ANKRD31: variants seen among roughly 807,000 people sequenced by gnomAD.
ANKRD31 encodes the protein ankyrin repeat domain 31.
A neutral mutation model predicts 186.0 loss-of-function variants in ANKRD31; 147 were observed. That is an observed-to-expected ratio of 0.79 (90% CI 0.69 to 0.91). The LOEUF (loss-of-function observed/expected upper bound fraction) is 0.91, where lower values mean the gene tolerates loss of function less well. Among genes scored for constraint, ANKRD31 ranks in the 40% least tolerant of loss-of-function variants. The pLI is 0.00. For synonymous variants in ANKRD31, 673 were observed against 736.4 expected (o/e 0.91, Z 1.39); for missense variants, 1,986 against 2,148.8 (o/e 0.92, Z 1.50).
At chr5:75,091,137 T>A in intron 23 of ANKRD31, 124 bp downstream of exon 23, 1 of 1,085,916 alleles carries the variant, frequency 9.2e-7, no homozygotes, top group Non-Finnish European at 1.3e-6. Context: ...ATATACAGAA[T>A]GAACACATGA....
chr5:75,173,142 G>C (rs2150197633), intron 10 of ANKRD31, among the ~76,000 whole-genome samples: 1 of 152,168 alleles, frequency 6.6e-6, no homozygotes, highest in East Asian at 1.9e-4. Flanking sequence ...CAAACCCCAT[G>C]ATTATTTCAA....
intron 17 of ANKRD31, among the ~76,000 whole-genome samples, chr5:75,133,044 G>C (rs1329118597): frequency 1.3e-5 from 2 of 152,166 alleles, no homozygotes; most frequent in African/African-American, 4.8e-5. Context: ...ACCGGTACCA[G>C]CCACTGCAAA....
intron 11 of ANKRD31, among the ~76,000 whole-genome samples, chr5:75,165,579 G>C (rs1345018429): frequency 1.3e-5 from 2 of 151,994 alleles, no homozygotes; most frequent in Non-Finnish European, 2.9e-5. Context: ...CACTGAAAAC[G>C]CCTAAAAGCA....
rs1743070025 is a variant in ANKRD31, at chr5:75,203,739, A to G, written c.403+2672T>C. On this transcript the variant is annotated intron_variant, in intron 5 of 25. Coordinates refer to ENST00000506364, the MANE Select transcript of ANKRD31 (RefSeq NM_001372053.1). ...GAAAAAGGAATGCCCAGGGCATGATATTATCCATGACACCTCTGTCTCAAA... is the reference window on the plus strand; with the variant it reads ...GAAAAAGGAATGCCCAGGGCATGATGTTATCCATGACACCTCTGTCTCAAA... Among the ~76,000 whole-genome samples, 5 of 152,130 alleles carry G rather than the reference A, an allele frequency of 3.3e-5. No individual in the cohort carries two copies. The South Asian group carries it at 6.2e-4, about 19-fold the overall frequency.
At chr5:75,140,912 C>A (rs1600073) in intron 15 of ANKRD31, among the ~76,000 whole-genome samples, 7,440 of 152,114 alleles carry the variant, frequency 0.049, 398 homozygotes, top group African/African-American at 0.13. Flanking sequence ...TTGCTGCCTA[C>A]GAACAATTCT....
At chr5:75,148,911 C>A (rs1751670779) in intron 12 of ANKRD31, among the ~76,000 whole-genome samples, 1 of 151,826 alleles carries the variant, frequency 6.6e-6, no homozygotes, top group South Asian at 2.1e-4. Context: ...ATTTTCCCCA[C>A]AGATATATCC....
chr5:75,071,492 G>GT (rs1328706870), intron 25 of ANKRD31, among the ~76,000 whole-genome samples: 6 of 137,330 alleles, frequency 4.4e-5, no homozygotes, highest in Non-Finnish European at 6.3e-5. Context: ...GAGAAAAGCT[G>GT]TTTTGTTTTT....
chr5:75,099,695 C>G (rs1314169639), intron 22 of ANKRD31, among the ~76,000 whole-genome samples: 1 of 152,124 alleles, frequency 6.6e-6, no homozygotes, highest in Non-Finnish European at 1.5e-5. Flanking sequence ...TCCATTTCTT[C>G]TAGATTTTCT....
At position 75,187,110 on chromosome 5, in the gene ANKRD31, T is replaced by TTGTGTGTGTGTGTGTG. The variant is rs57013241; in HGVS notation, c.1564+1367_1564+1382dup. 5.0e-3 allele frequency among the ~76,000 whole-genome samples: 579 copies of TTGTGTGTGTGTGTGTG among 116,214 alleles called. 11 individuals are homozygous for TTGTGTGTGTGTGTGTG. Among genetic ancestry groups the TTGTGTGTGTGTGTGTG allele is most frequent in the South Asian group, 0.011 (33 of 3,138 alleles). The allele number at this position is 116,214 out of a possible 152,430, so 76.2% of individuals were successfully genotyped here. ...AACAAACATTGCCGGTGATTCTGTT[T>TTGTGTGTGTGTGTGTG]TGTGTGTGTGTGTGTGTGTGTGTGT... On this transcript the variant is annotated intron_variant, in intron 10 of 25. Transcript: ENST00000506364.
At chr5:75,233,820 G>T (rs1373524867) in intron 1 of ANKRD31, among the ~76,000 whole-genome samples, 1 of 152,038 alleles carries the variant, frequency 6.6e-6, no homozygotes, top group African/African-American at 2.4e-5. Context: ...GCAGACCCAG[G>T]CAAGAGAATG....
chr5:75,116,443 T>C, intron 19 of ANKRD31, 123 bp downstream of exon 19: 2 of 348,186 alleles, frequency 5.7e-6, no homozygotes, highest in Non-Finnish European at 4.8e-6. Flanking sequence ...ATAAAATAAA[T>C]AAAAAATTTC....
chr5:75,083,883 T>A (rs1745281200), intron 24 of ANKRD31, among the ~76,000 whole-genome samples: 1 of 152,188 alleles, frequency 6.6e-6, no homozygotes, highest in Admixed American at 6.5e-5. Flanking sequence ...CTCAAAAACA[T>A]TATACTAAGT....
chr5:75,179,153 C>T (rs906666564), intron 10 of ANKRD31, among the ~76,000 whole-genome samples: 9 of 151,828 alleles, frequency 5.9e-5, no homozygotes, highest in South Asian at 2.1e-4. Flanking sequence ...ATAAATTCCT[C>T]GACACATACA....
At chr5:75,089,306 A>C (rs926458009) in intron 23 of ANKRD31, among the ~76,000 whole-genome samples, 1 of 152,170 alleles carries the variant, frequency 6.6e-6, no homozygotes, top group African/African-American at 2.4e-5. Flanking sequence ...GCTGTTCAGC[A>C]ACTGCTTGGG....
chr5:75,221,319 T>C (rs1400549246), intron 3 of ANKRD31, among the ~76,000 whole-genome samples: 1 of 152,156 alleles, frequency 6.6e-6, no homozygotes, highest in African/African-American at 2.4e-5. Flanking sequence ...AATGTCAAAA[T>C]CATATTTTAA....
At chr5:75,098,117 C>T (rs932768865) in intron 22 of ANKRD31, among the ~76,000 whole-genome samples, 6 of 152,006 alleles carry the variant, frequency 3.9e-5, no homozygotes, top group African/African-American at 1.2e-4. Flanking sequence ...CTCTGCCTCC[C>T]GAGTAGCTGG....
chr5:75,194,226 A>T (rs1455049451), intron 7 of ANKRD31, among the ~76,000 whole-genome samples: 4 of 152,162 alleles, frequency 2.6e-5, no homozygotes, highest in Admixed American at 2.0e-4. Context: ...ACAGCTGAGT[A>T]AATGAGTATA....
At chr5:75,122,891 C>T (rs1748913443) in intron 17 of ANKRD31, among the ~76,000 whole-genome samples, 3 of 152,102 alleles carry the variant, frequency 2.0e-5, no homozygotes, top group Non-Finnish European at 4.4e-5. Context: ...AGAATGCCCA[C>T]TTACACCACT....
chr5:75,145,682 G>A (rs573987030), intron 14 of ANKRD31, among the ~76,000 whole-genome samples: 3 of 151,920 alleles, frequency 2.0e-5, no homozygotes, highest in Admixed American at 6.6e-5. Flanking sequence ...ATATACCTAT[G>A]TAACAAATCT....
Sources: gnomAD v4.1 joint callset for allele counts (sites outside exome capture counted in the v4.1 genomes callset) on GRCh38, gnomAD v4.1.1 for gene constraint, MANE v1.5 for transcripts, NCBI Gene and HGNC (gene_info 2026-07-23, HGNC 2026-07-21) for gene names.